The following GRIK2 variants were observed in gnomAD, a reference collection of about 807,000 sequenced individuals.
GRIK2 encodes glutamate receptor ionotropic, kainate 2.
Under a neutral mutation model 100.3 loss-of-function variants are expected in GRIK2, and 32 were observed. That is an observed-to-expected ratio of 0.32 (90% CI 0.24 to 0.43). The LOEUF (loss-of-function observed/expected upper bound fraction) is 0.43, where lower values mean the gene tolerates loss of function less well. GRIK2 is among the 20% of genes least tolerant of loss of function. The pLI, the probability that GRIK2 is intolerant of heterozygous loss-of-function variation, is 1.00. For synonymous variants in GRIK2, 417 were observed against 389.4 expected, an observed-to-expected ratio of 1.07 and a Z score of -0.83; for missense variants, 843 against 1,114.9, an observed-to-expected ratio of 0.76 and a Z score of 3.47.
At chr6:101,623,211 C>T (rs1780249519) in intron 3 of GRIK2, among the ~76,000 whole-genome samples, 1 of 151,894 alleles carries the variant, frequency 6.6e-6, no homozygotes. Context: ...TGACAAGGTA[C>T]AGTATTTCTC....
intron 2 of GRIK2, among the ~76,000 whole-genome samples, chr6:101,488,882 T>G (rs1042861880): frequency 2.1e-5 from 3 of 146,200 alleles, no homozygotes; most frequent in Non-Finnish European, 4.5e-5. Context: ...ATAAAACTAT[T>G]GGAGTTTTCT....
At chr6:101,732,965 C>T (rs532704896) in intron 7 of GRIK2, among the ~76,000 whole-genome samples, 2 of 152,096 alleles carry the variant, frequency 1.3e-5, no homozygotes, top group East Asian at 3.9e-4. Context: ...ATGAGAGTCC[C>T]ACTCTCAGGA....
chr6:101,852,318 CT>C (rs1582382499), intron 10 of GRIK2, among the ~76,000 whole-genome samples: 1 of 152,112 alleles, frequency 6.6e-6, no homozygotes, highest in East Asian at 1.9e-4. Context: ...TATTCTCAGT[CT>C]TTCCCCTACT....
At chr6:101,802,499 T>C (rs940350055) in intron 9 of GRIK2, 61 bp downstream of exon 9, 4 of 651,662 alleles carry the variant, frequency 6.1e-6, no homozygotes, top group African/African-American at 5.6e-5. Context: ...AGAAGACAAA[T>C]ATTCTCTGTT....
At chr6:101,956,970 CT>C (rs1374969244) in intron 14 of GRIK2, among the ~76,000 whole-genome samples, 1 of 151,394 alleles carries the variant, frequency 6.6e-6, no homozygotes, top group Non-Finnish European at 1.5e-5. Flanking sequence ...GTTCAGGTGT[CT>C]TTTTGATATA....
intron 6 of GRIK2, among the ~76,000 whole-genome samples, chr6:101,685,280 C>A (rs756652807): frequency 6.6e-6 from 1 of 152,130 alleles, no homozygotes; most frequent in Admixed American, 6.6e-5. Context: ...ATAGCACAGA[C>A]TAGAGCTCAG....
At chr6:101,447,060 T>C (rs9498591) in intron 2 of GRIK2, among the ~76,000 whole-genome samples, 1 of 148,800 alleles carries the variant, frequency 6.7e-6, no homozygotes, top group African/African-American at 2.4e-5. Flanking sequence ...TGTTTGTGTA[T>C]ATATATATTA....
intron 2 of GRIK2, among the ~76,000 whole-genome samples, chr6:101,600,340 C>T (rs574550156): frequency 7.9e-5 from 12 of 151,670 alleles, no homozygotes; most frequent in Middle Eastern, 6.8e-3. Context: ...ATGTAATGCT[C>T]CTGGCTTTGT....
chr6:101,504,349 T>C (rs554519110), intron 2 of GRIK2, among the ~76,000 whole-genome samples: 1 of 152,190 alleles, frequency 6.6e-6, no homozygotes, highest in Non-Finnish European at 1.5e-5. Flanking sequence ...TGATTTATTA[T>C]ATGACTATAG....
At chr6:101,535,590 C>T (rs964497914) in intron 2 of GRIK2, among the ~76,000 whole-genome samples, 5 of 149,580 alleles carry the variant, frequency 3.3e-5, no homozygotes, top group Non-Finnish European at 7.5e-5. Context: ...AATATATCTG[C>T]TCACATCCTC....
chr6:101,752,759 C>T (rs1370282179), intron 7 of GRIK2, among the ~76,000 whole-genome samples: 1 of 152,086 alleles, frequency 6.6e-6, no homozygotes, highest in African/African-American at 2.4e-5. Context: ...TATGTTGTAA[C>T]TGTAATAAAT....
intron 2 of GRIK2, among the ~76,000 whole-genome samples, chr6:101,550,597 C>T (rs1776461513): frequency 6.6e-6 from 1 of 152,088 alleles, no homozygotes; most frequent in African/African-American, 2.4e-5. Context: ...TTTGGATATC[C>T]TCAGGGGTTC....
At chr6:102,062,732 A>T (rs1771816971) in intron 16 of GRIK2, among the ~76,000 whole-genome samples, 1 of 150,426 alleles carries the variant, frequency 6.6e-6, no homozygotes, top group African/African-American at 2.4e-5. Context: ...CATACTTCTG[A>T]TGTATAGCAT....
At chr6:101,658,903 T>G (rs1342368679) in intron 4 of GRIK2, among the ~76,000 whole-genome samples, 1 of 152,220 alleles carries the variant, frequency 6.6e-6, no homozygotes, top group Non-Finnish European at 1.5e-5. Flanking sequence ...TTGTTTAACT[T>G]CCTTGTAGAT....
At chr6:102,000,601 G>A (rs905609435) in intron 14 of GRIK2, among the ~76,000 whole-genome samples, 4 of 151,994 alleles carry the variant, frequency 2.6e-5, no homozygotes, top group African/African-American at 4.8e-5. Context: ...TATTTTTAGT[G>A]AGCTTTGGTA....
intron 2 of GRIK2, among the ~76,000 whole-genome samples, chr6:101,614,964 A>G (rs1313169544): frequency 1.3e-5 from 2 of 151,698 alleles, no homozygotes; most frequent in Non-Finnish European, 3.0e-5. Context: ...CAGTTGACTA[A>G]TCTTTTATTT....
chr6:101,765,343 C>G (rs542241686), intron 7 of GRIK2, among the ~76,000 whole-genome samples: 4 of 152,280 alleles, frequency 2.6e-5, no homozygotes, highest in African/African-American at 9.6e-5. Flanking sequence ...TAGTGCCTAG[C>G]ATAGGGCAGC....
At chr6:101,564,168 T>A (rs2128296652) in intron 2 of GRIK2, among the ~76,000 whole-genome samples, 1 of 152,324 alleles carries the variant, frequency 6.6e-6, no homozygotes, top group South Asian at 2.1e-4. Flanking sequence ...GTTTCTAGTG[T>A]TCTGCTTCAT....
At chr6:101,462,352 A>G (rs1771360916) in intron 2 of GRIK2, among the ~76,000 whole-genome samples, 1 of 152,152 alleles carries the variant, frequency 6.6e-6, no homozygotes. Flanking sequence ...TAAAGTTGAC[A>G]GCATATTTTC....
Sources: gnomAD v4.1 joint callset for allele counts (sites outside exome capture counted in the v4.1 genomes callset) on GRCh38, gnomAD v4.1.1 for gene constraint, MANE v1.5 for transcripts, NCBI Gene and HGNC (gene_info 2026-07-23, HGNC 2026-07-21) for gene names.